Variants in ROBO1 observed in about 807,000 individuals in gnomAD.
The protein encoded by ROBO1 is roundabout homolog 1.
In ROBO1, 149 loss-of-function variants were observed where a neutral mutation model predicts 195.9. That is an observed-to-expected ratio of 0.76 (90% CI 0.67 to 0.87). ROBO1 has a LOEUF of 0.87. Among genes scored for constraint, ROBO1 ranks in the 40% least tolerant of loss-of-function variants. The pLI is 0.00. For synonymous variants in ROBO1, 816 were observed against 733.2 expected (o/e 1.11, Z -1.82); for missense variants, 1,933 against 2,068.3 (o/e 0.93, Z 1.27).
rs150074714 is a variant in ROBO1 at position 79,679,000 on chromosome 3, C to T, written c.-51+88752G>A. On this transcript the variant is annotated intron_variant, in intron 1 of 30. Coordinates refer to ENST00000464233, the MANE Select transcript of ROBO1 (RefSeq NM_002941.4). ...ATTAATTTTTTTCTTTTTTTAATTA[C>T]GCAAATAATGTGTGAAAATATTCTC... 1.3e-3 allele frequency among the ~76,000 whole-genome samples: 193 copies of T among 151,684 alleles called. 1 individual carries two copies. The East Asian group carries it at 0.016, about 13-fold the overall frequency.
chr3:79,175,154 T>C (rs2081243523), intron 2 of ROBO1, among the ~76,000 whole-genome samples: 1 of 152,214 alleles, frequency 6.6e-6, no homozygotes, highest in Non-Finnish European at 1.5e-5. Context: ...GGTTCTCTCC[T>C]ATCCCTAGTA....
chr3:79,313,769 TAA>T (rs2033602586), intron 2 of ROBO1, among the ~76,000 whole-genome samples: 1 of 152,196 alleles, frequency 6.6e-6, no homozygotes, highest in East Asian at 1.9e-4. Context: ...CACCTGTTGT[TAA>T]GTTACTACAC....
rs1384556364 is a variant in ROBO1 at position 78,598,752 on chromosome 3, C to T, written c.*161G>A. The T allele has an allele frequency of 8.4e-6, 4 of 474,090 alleles. No individual in the cohort carries two copies. The highest frequency in any genetic ancestry group is 4.8e-5 in the South Asian group (1 of 20,988). 29.4% of individuals were successfully genotyped at this position (474,090 alleles called of 1,614,324 possible). A position where few individuals can be genotyped will look rare whatever the true frequency, so the allele number is the denominator to read the frequency against. ...GGGATCAAACAACAACAATAAAAAC[C>T]CAATAAAGTTTTTAAAATGATATCC... On this transcript the variant is annotated 3_prime_UTR_variant, in exon 31 of 31. Transcript: ENST00000464233.
At chr3:78,754,690 G>C (rs2082883169) in intron 4 of ROBO1, among the ~76,000 whole-genome samples, 1 of 152,116 alleles carries the variant, frequency 6.6e-6, no homozygotes, top group Admixed American at 6.6e-5. Flanking sequence ...TGTAGTGCTT[G>C]GGGTATAGGG....
chr3:78,622,140 A>C (rs1264088793), intron 26 of ROBO1, among the ~76,000 whole-genome samples: 3 of 152,204 alleles, frequency 2.0e-5, no homozygotes, highest in African/African-American at 7.2e-5. Context: ...GTTTGAAAAA[A>C]AGAGAAGACA....
intron 1 of ROBO1, among the ~76,000 whole-genome samples, chr3:79,609,273 GA>G (rs199647716): frequency 7.8e-5 from 11 of 141,494 alleles, no homozygotes; most frequent in African/African-American, 2.1e-4. Flanking sequence ...AACTTCTAAG[GA>G]AAAAAAAAAC....
intron 4 of ROBO1, among the ~76,000 whole-genome samples, chr3:78,882,581 C>T (rs371451390): frequency 2.6e-4 from 39 of 152,222 alleles, no homozygotes; most frequent in Admixed American, 2.0e-3. Flanking sequence ...TCTGTCACCT[C>T]GGGGATCATA....
chr3:78,613,657 A>G (rs1703943249), intron 28 of ROBO1, among the ~76,000 whole-genome samples: 1 of 152,174 alleles, frequency 6.6e-6, no homozygotes. Context: ...TTGCAAAATT[A>G]CTTGTGCTCA....
chr3:79,492,737 G>GTAT (rs1192839855), intron 2 of ROBO1, among the ~76,000 whole-genome samples: 3 of 152,046 alleles, frequency 2.0e-5, no homozygotes, highest in African/African-American at 7.2e-5. Flanking sequence ...GACATATAAT[G>GTAT]TATTAGCATT....
At chr3:78,625,180 G>T (rs952279692) in intron 26 of ROBO1, among the ~76,000 whole-genome samples, 5 of 152,146 alleles carry the variant, frequency 3.3e-5, no homozygotes, top group African/African-American at 9.7e-5. Context: ...AGGGATGGAG[G>T]GCCTGCCCTA....
chr3:79,439,243 G>A lies in ROBO1; in HGVS notation c.88+150581C>T, dbSNP rs992339369. Among the ~76,000 whole-genome samples the A allele has an allele frequency of 3.3e-5, 5 of 151,900 alleles. 1 individual carries two copies. Among genetic ancestry groups the A allele is most frequent in the African/African-American group, 7.3e-5 (3 of 41,364 alleles). On this transcript the variant is annotated intron_variant, in intron 2 of 30. Transcript: ENST00000464233. ...TACAAAGTGAAGACAGGCAAATTTC[G>A]TACTGTGGAATATTATAACTGACAT... is the stretch of plus-strand genomic sequence containing the variant.
At chr3:79,711,965 C>T (rs1702296320) in intron 1 of ROBO1, among the ~76,000 whole-genome samples, 1 of 150,050 alleles carries the variant, frequency 6.7e-6, no homozygotes, top group African/African-American at 2.5e-5. Flanking sequence ...CCGTATAGGA[C>T]AGGAAGCTTA....
At chr3:78,736,251 T>C (rs2082389408) in intron 5 of ROBO1, among the ~76,000 whole-genome samples, 1 of 152,206 alleles carries the variant, frequency 6.6e-6, no homozygotes, top group South Asian at 2.1e-4. Flanking sequence ...TTCTGACTTA[T>C]ATTTCATTCA....
At chr3:78,749,138 A>C (rs2108295629) in intron 4 of ROBO1, among the ~76,000 whole-genome samples, 1 of 152,314 alleles carries the variant, frequency 6.6e-6, no homozygotes, top group Middle Eastern at 3.4e-3. Flanking sequence ...TTGCTGGATC[A>C]CATTATTAAT....
At chr3:78,951,434 C>T (rs933586471) in intron 3 of ROBO1, among the ~76,000 whole-genome samples, 5 of 152,030 alleles carry the variant, frequency 3.3e-5, no homozygotes, top group Non-Finnish European at 7.4e-5. Flanking sequence ...TACAAAATTT[C>T]TATCCCAATT....
intron 1 of ROBO1, among the ~76,000 whole-genome samples, chr3:79,660,688 T>C (rs909157706): frequency 6.6e-6 from 1 of 152,106 alleles, no homozygotes; most frequent in Non-Finnish European, 1.5e-5. Flanking sequence ...GAATATACTA[T>C]AACACGTAAG....
At chr3:79,002,966 C>T (rs1013868716) in intron 3 of ROBO1, among the ~76,000 whole-genome samples, 1 of 151,992 alleles carries the variant, frequency 6.6e-6, no homozygotes, top group South Asian at 2.1e-4. Context: ...ATGAAAACCT[C>T]GATTCCCCAA....
chr3:78,695,027 C>A (rs914542732), intron 8 of ROBO1, among the ~76,000 whole-genome samples: 2 of 146,354 alleles, frequency 1.4e-5, no homozygotes, highest in Non-Finnish European at 3.0e-5. Context: ...TTTAATGCAC[C>A]CTTTTCTTGC....
intron 3 of ROBO1, among the ~76,000 whole-genome samples, chr3:79,100,749 G>A (rs534816440): frequency 6.6e-6 from 1 of 151,880 alleles, no homozygotes; most frequent in South Asian, 2.1e-4. Context: ...ATTCTAGGAA[G>A]GTCTCTAATA....
Sources: allele counts gnomAD v4.1 joint callset (sites outside exome capture counted in the v4.1 genomes callset), GRCh38; gene constraint gnomAD v4.1.1; transcripts MANE v1.5; gene names NCBI Gene and HGNC (gene_info 2026-07-23, HGNC 2026-07-21).